The following RSU1 variants were observed in gnomAD, a reference collection of about 807,000 sequenced individuals.
The protein encoded by RSU1 is rsu-1.
In RSU1, 26 loss-of-function variants were observed where a neutral mutation model predicts 31.1. That is an observed-to-expected ratio of 0.84 (90% CI 0.61 to 1.16). The LOEUF is 1.16. Ranked by LOEUF, RSU1 falls within the 50% of genes most tolerant of loss-of-function variation. RSU1 has a pLI of 0.00. For missense variants in RSU1, 320 were observed against 339.1 expected (o/e 0.94, Z 0.44); for synonymous variants, 164 against 136.3 (o/e 1.20, Z -1.41).
chr10:16,791,807 A>T (rs1837921616), intron 2 of RSU1, among the ~76,000 whole-genome samples: 1 of 152,230 alleles, frequency 6.6e-6, no homozygotes, highest in Non-Finnish European at 1.5e-5. Context: ...GATAAAATCC[A>T]CAGCCCTGTA....
chr10:16,770,132 G>A (rs559892491), intron 3 of RSU1, among the ~76,000 whole-genome samples: 13 of 152,146 alleles, frequency 8.5e-5, no homozygotes, highest in East Asian at 1.9e-4. Flanking sequence ...CAGACAGATC[G>A]GCTTGGGTGC....
intron 7 of RSU1, among the ~76,000 whole-genome samples, chr10:16,737,220 T>A (rs889317171): frequency 1.3e-5 from 2 of 151,828 alleles, no homozygotes; most frequent in African/African-American, 4.8e-5. Flanking sequence ...CAATTAATTT[T>A]AAAAAATGGC....
chr10:16,692,350 T>C (rs11254147), intron 8 of RSU1, among the ~76,000 whole-genome samples: 52,837 of 152,022 alleles, frequency 0.35, 9,977 homozygotes, highest in African/African-American at 0.49. Context: ...ACTCACAATT[T>C]AATCTTTTAA....
chr10:16,641,028 G>A (rs138908753), intron 8 of RSU1, among the ~76,000 whole-genome samples: 114 of 152,304 alleles, frequency 7.5e-4, no homozygotes, highest in African/African-American at 2.1e-3. Flanking sequence ...CAGGCTCTAC[G>A]TCAGGAAAAC....
intron 8 of RSU1, among the ~76,000 whole-genome samples, chr10:16,605,733 T>A (rs903277493): frequency 3.3e-5 from 5 of 152,222 alleles, no homozygotes; most frequent in African/African-American, 1.2e-4. Context: ...GGGGCAGTTA[T>A]CCTCTGTGGT....
At chr10:16,790,145 G>C (rs1405191353) in intron 2 of RSU1, among the ~76,000 whole-genome samples, 1 of 152,146 alleles carries the variant, frequency 6.6e-6, no homozygotes, top group Non-Finnish European at 1.5e-5. Flanking sequence ...ATGCTCAAAA[G>C]GAACTAGTTG....
chr10:16,775,746 G>A (rs1404545024), intron 3 of RSU1, among the ~76,000 whole-genome samples: 1 of 152,138 alleles, frequency 6.6e-6, no homozygotes, highest in African/African-American at 2.4e-5. Context: ...GGTACCATCA[G>A]ATAGATATTG....
chr10:16,611,230 C>T (rs894870277), intron 8 of RSU1, among the ~76,000 whole-genome samples: 2 of 152,290 alleles, frequency 1.3e-5, no homozygotes, highest in African/African-American at 4.8e-5. Flanking sequence ...CGAGTGGCCA[C>T]ACTACGTCTA....
intron 8 of RSU1, among the ~76,000 whole-genome samples, chr10:16,694,638 A>G (rs1835635712): frequency 6.6e-6 from 1 of 152,156 alleles, no homozygotes; most frequent in Admixed American, 6.5e-5. Flanking sequence ...GGGCATGACC[A>G]CGACTCTGTG....
chr10:16,635,974 C>G (rs987932744), intron 8 of RSU1, among the ~76,000 whole-genome samples: 1 of 152,202 alleles, frequency 6.6e-6, no homozygotes, highest in Non-Finnish European at 1.5e-5. Flanking sequence ...GTTTCCAGGA[C>G]ACTGCGCCCT....
intron 8 of RSU1, among the ~76,000 whole-genome samples, chr10:16,654,903 T>G (rs1448966564): frequency 2.6e-5 from 4 of 151,156 alleles, no homozygotes; most frequent in African/African-American, 9.7e-5. Context: ...TACAAAAATT[T>G]TTTTTTGAAA....
chr10:16,692,736 T>TA (rs1000537876), intron 8 of RSU1, among the ~76,000 whole-genome samples: 5 of 152,148 alleles, frequency 3.3e-5, no homozygotes, highest in South Asian at 2.1e-4. Flanking sequence ...CGTATTTTTT[T>TA]AAAAAAAATT....
At chr10:16,800,097 C>G (rs186409327) in intron 2 of RSU1, among the ~76,000 whole-genome samples, 4 of 152,204 alleles carry the variant, frequency 2.6e-5, no homozygotes. Context: ...AAATTTTACC[C>G]TCTGACACCC....
At chr10:16,614,591 C>G (rs1322524006) in intron 8 of RSU1, among the ~76,000 whole-genome samples, 1 of 152,076 alleles carries the variant, frequency 6.6e-6, no homozygotes. Context: ...ACATTGCATG[C>G]CTGAGCCACA....
intron 7 of RSU1, among the ~76,000 whole-genome samples, chr10:16,703,328 C>T (rs1033377455): frequency 5.9e-5 from 9 of 152,212 alleles, no homozygotes; most frequent in African/African-American, 9.6e-5. Context: ...ATTTTCCCTA[C>T]ATTGCTGGTT....
intron 2 of RSU1, among the ~76,000 whole-genome samples, chr10:16,809,715 G>A (rs1161344185): frequency 1.3e-5 from 2 of 152,026 alleles, no homozygotes; most frequent in Non-Finnish European, 2.9e-5. Context: ...TCTAGATTGT[G>A]TTTTCTTTCA....
At chr10:16,687,485 T>C (rs189150658) in intron 8 of RSU1, among the ~76,000 whole-genome samples, 3 of 152,270 alleles carry the variant, frequency 2.0e-5, no homozygotes, top group African/African-American at 4.8e-5. Flanking sequence ...GTGAAGTATA[T>C]ATGAATAATA....
intron 7 of RSU1, among the ~76,000 whole-genome samples, chr10:16,711,306 C>T (rs958984323): frequency 1.3e-5 from 2 of 148,650 alleles, no homozygotes; most frequent in Non-Finnish European, 3.0e-5. Context: ...TTTAGTCTAG[C>T]TTAAAGTTTG....
At chr10:16,612,656 T>G (rs1175789173) in intron 8 of RSU1, among the ~76,000 whole-genome samples, 1 of 152,206 alleles carries the variant, frequency 6.6e-6, no homozygotes, top group Non-Finnish European at 1.5e-5. Flanking sequence ...TGATCATAAG[T>G]TAAGCCTCCA....
Sources: allele counts gnomAD v4.1 joint callset (sites outside exome capture counted in the v4.1 genomes callset), GRCh38; gene constraint gnomAD v4.1.1; transcripts MANE v1.5; gene names NCBI Gene and HGNC (gene_info 2026-07-23, HGNC 2026-07-21).